The following SPATA12 variants were observed in gnomAD, a reference collection of about 807,000 sequenced individuals.
SPATA12 encodes the protein spermatogenesis-associated protein 12.
For synonymous variants in SPATA12, 85 were observed against 89.2 expected, an observed-to-expected ratio of 0.95 and a Z score of 0.26; for missense variants, 219 against 226.4, an observed-to-expected ratio of 0.97 and a Z score of 0.21.
chr3:57,066,971 T>A (rs1175329887), intron 1 of SPATA12, among the ~76,000 whole-genome samples: 1 of 152,286 alleles, frequency 6.6e-6, no homozygotes. Context: ...AATAGATAGA[T>A]GAGCGATTGA....
At chr3:57,072,114 T>C (rs1705940010) in intron 1 of SPATA12, among the ~76,000 whole-genome samples, 1 of 149,550 alleles carries the variant, frequency 6.7e-6, no homozygotes, top group Non-Finnish European at 1.5e-5. Flanking sequence ...ACAAGATGGA[T>C]AATAACAAGA....
At chr3:57,064,561 C>T (rs949700168) in intron 1 of SPATA12, among the ~76,000 whole-genome samples, 6 of 152,112 alleles carry the variant, frequency 3.9e-5, no homozygotes, top group Middle Eastern at 3.2e-3. Flanking sequence ...GCTCAACATC[C>T]GCCTCCTCGG....
chr3:57,066,128 C>T (rs1408897003), intron 1 of SPATA12, among the ~76,000 whole-genome samples: 1 of 152,142 alleles, frequency 6.6e-6, no homozygotes, highest in African/African-American at 2.4e-5. Context: ...GCCCACCCAT[C>T]TGGTCCACCT....
At chr3:57,068,999 G>A (rs990967207) in intron 1 of SPATA12, among the ~76,000 whole-genome samples, 3 of 148,300 alleles carry the variant, frequency 2.0e-5, no homozygotes, top group African/African-American at 5.0e-5. Context: ...TTGGCTCACC[G>A]TAACCTCTGC....
rs147845355 is a variant in SPATA12, at chr3:57,065,317, C to T, written c.-330+4531C>T. On this transcript the variant is annotated intron_variant, in intron 1 of 1. Transcript: ENST00000334325. Reference sequence around the variant, plus strand: ...TCTCTACGAAAAATACAAAATTAGCCGGGTGTGATGGTGTGCACCTGTAGT... The same window carrying T: ...TCTCTACGAAAAATACAAAATTAGCTGGGTGTGATGGTGTGCACCTGTAGT... Among the ~76,000 whole-genome samples the T allele has an allele frequency of 2.8e-4, 43 of 152,168 alleles. 1 individual carries two copies. The highest frequency in any genetic ancestry group is 5.3e-4 in the Non-Finnish European group (36 of 68,008).
intron 1 of SPATA12, among the ~76,000 whole-genome samples, chr3:57,064,275 A>G (rs1228151397): frequency 6.6e-6 from 1 of 152,256 alleles, no homozygotes; most frequent in Admixed American, 6.5e-5. Flanking sequence ...AAAAAACAAA[A>G]CAGAAAACCA....
chr3:57,072,042 G>C (rs1705935793), intron 1 of SPATA12, among the ~76,000 whole-genome samples: 1 of 152,152 alleles, frequency 6.6e-6, no homozygotes, highest in African/African-American at 2.4e-5. Flanking sequence ...TAGCCATCTG[G>C]GAAATGCAAA....
Position 57,073,782 on chromosome 3 carries a change from G to A in SPATA12, c.88G>A (p.Val30Ile), listed in dbSNP as rs762158806. The A allele has an allele frequency of 1.4e-4, 232 of 1,614,090 alleles. No homozygotes were observed. Among genetic ancestry groups the A allele is most frequent in the East Asian group, 7.6e-4 (34 of 44,896 alleles). Residue 30 changes from valine (V) to isoleucine (I), a missense_variant, in exon 2 of 2, where the codon GTT becomes ATT. Coordinates refer to ENST00000334325, the MANE Select transcript of SPATA12 (RefSeq NM_181727.2). ...EMKALDSSRLVPWPPRGLGSS... is the reference protein window; with the variant it reads ...EMKALDSSRLIPWPPRGLGSS... Reference sequence around the variant, plus strand: ...GAAGGCACTAGACTCTTCCAGACTCGTTCCATGGCCACCCAGAGGCCTTGG... The same window carrying A: ...GAAGGCACTAGACTCTTCCAGACTCATTCCATGGCCACCCAGAGGCCTTGG...
chr3:57,071,728 C>T (rs1178579971), intron 1 of SPATA12, among the ~76,000 whole-genome samples: 5 of 150,762 alleles, frequency 3.3e-5, no homozygotes, highest in African/African-American at 4.9e-5. Context: ...AGGTTTCTTA[C>T]GTATGACACC....
At chr3:57,065,140 C>T (rs1705452522) in intron 1 of SPATA12, among the ~76,000 whole-genome samples, 1 of 152,126 alleles carries the variant, frequency 6.6e-6, no homozygotes, top group Non-Finnish European at 1.5e-5. Context: ...ATCCAGTAGG[C>T]CATGGTCTTA....
At chr3:57,064,628 A>G (rs1465684053) in intron 1 of SPATA12, among the ~76,000 whole-genome samples, 1 of 152,252 alleles carries the variant, frequency 6.6e-6, no homozygotes, top group East Asian at 1.9e-4. Flanking sequence ...AAATTCTGAC[A>G]CATGTTACAA....
chr3:57,066,012 G>C (rs1705506380), intron 1 of SPATA12, among the ~76,000 whole-genome samples: 1 of 150,874 alleles, frequency 6.6e-6, no homozygotes, highest in Non-Finnish European at 1.5e-5. Context: ...GGCCAGGAGG[G>C]CAACACAGTG....
chr3:57,066,167 T>TA (rs1180077849), intron 1 of SPATA12, among the ~76,000 whole-genome samples: 1 of 152,116 alleles, frequency 6.6e-6, no homozygotes, highest in Non-Finnish European at 1.5e-5. Flanking sequence ...GGGAGGGACT[T>TA]ATTTTGCAGT....
intron 1 of SPATA12, among the ~76,000 whole-genome samples, chr3:57,070,858 G>C (rs755062932): frequency 6.6e-6 from 1 of 151,718 alleles, no homozygotes; most frequent in African/African-American, 2.4e-5. Context: ...TGTAGTCCCA[G>C]CTACTTGGGA....
rs898279352 is a variant in SPATA12, at chr3:57,073,727, C to T, written c.33C>T (p.Thr11=). 3.1e-6 allele frequency: 5 copies of T among 1,614,022 alleles called. No homozygotes were observed. The highest frequency in any genetic ancestry group is 2.7e-5 in the African/African-American group (2 of 74,916). The change falls in exon 2 of 2, where the codon ACC becomes ACT. Residue 11 remains threonine, a synonymous_variant. Transcript: ENST00000334325. Reference sequence around the variant, plus strand: ...GTTCTGCTCTGACTTGTGGGTCCACCTTAGAAAAGTCAGGAGACACCTGGG... The same window carrying T: ...GTTCTGCTCTGACTTGTGGGTCCACTTTAGAAAAGTCAGGAGACACCTGGG... MSSSALTCGS[T]LEKSGDTWEM...
chr3:57,073,677 GT>G lies in SPATA12; in HGVS notation c.-13del. The G allele has an allele frequency of 6.3e-7, 1 of 1,599,712 alleles. No homozygotes were observed. Among genetic ancestry groups the G allele is most frequent in the South Asian group, 1.1e-5 (1 of 88,990 alleles). On this transcript the variant is annotated 5_prime_UTR_variant, in exon 2 of 2. An upstream open reading frame in the 5' UTR loses its in-frame stop. Coordinates refer to ENST00000334325, the MANE Select transcript of SPATA12 (RefSeq NM_181727.2). ...CCAGCCTCCTTTTCTGGAGAATTCT[GT>G]TTTTGACTTGGGCCCCATGTCCAGT...
chr3:57,061,899 G>A (rs1705241092), intron 1 of SPATA12, among the ~76,000 whole-genome samples: 1 of 152,212 alleles, frequency 6.6e-6, no homozygotes, highest in South Asian at 2.1e-4. Flanking sequence ...ATCAGTATCT[G>A]AGCCCGCATA....
At chr3:57,062,702 GCACA>G (rs148193521) in intron 1 of SPATA12, among the ~76,000 whole-genome samples, 23 of 150,192 alleles carry the variant, frequency 1.5e-4, no homozygotes, top group African/African-American at 5.1e-4. Flanking sequence ...CTACACACAT[GCACA>G]CACACACACA....
intron 1 of SPATA12, among the ~76,000 whole-genome samples, chr3:57,068,168 T>TACAC (rs55876198): frequency 0.29 from 42,913 of 148,888 alleles, 6,558 homozygotes; most frequent in East Asian, 0.48. Flanking sequence ...CACACACACA[T>TACAC]ACACACACAC....
Sources: gnomAD v4.1 joint callset for allele counts (sites outside exome capture counted in the v4.1 genomes callset) on GRCh38, gnomAD v4.1.1 for gene constraint, MANE v1.5 for transcripts, NCBI Gene and HGNC (gene_info 2026-07-23, HGNC 2026-07-21) for gene names.